SLC26A11: variants seen among roughly 807,000 people sequenced by gnomAD.
SLC26A11 encodes the protein solute carrier family 26 member 11.
In SLC26A11, 58 loss-of-function variants were observed where a neutral mutation model predicts 62.2. The ratio of observed to expected loss-of-function variants is 0.93; its 90% CI spans 0.76 to 1.16. The LOEUF (loss-of-function observed/expected upper bound fraction) is 1.16. Ranked by LOEUF, SLC26A11 falls within the 50% of genes most tolerant of loss-of-function variation. The pLI, the probability that SLC26A11 is intolerant of heterozygous loss-of-function variation, is 0.00. For missense variants in SLC26A11, 790 were observed against 794.3 expected (o/e 0.99, Z 0.06); for synonymous variants, 411 against 368.9 (o/e 1.11, Z -1.31).
In SLC26A11 at chr17:80,252,876, C is replaced by T. The variant is rs2043187851; in HGVS notation, c.*160C>T. On this transcript the variant is annotated 3_prime_UTR_variant, in exon 18 of 18. Coordinates refer to ENST00000361193, the MANE Select transcript of SLC26A11 (RefSeq NM_001166347.2). This position sits in a 1 kb window ranked among gnomAD's most constrained non-coding sequence, Gnocchi z 5.2. ...GAAGGAAGCCAGGCCTGGAGGTCCA[C>T]GGCAGTGGGAGTGGGGCTCACTGGC... 7 of 611,922 alleles carry T rather than the reference C, an allele frequency of 1.1e-5. No individual in the cohort carries two copies. The highest frequency in any genetic ancestry group is 3.0e-5 in the East Asian group (1 of 33,772). 37.9% of individuals were successfully genotyped at this position (611,922 alleles called of 1,614,324 possible). A position where few individuals can be genotyped will look rare whatever the true frequency, so the allele number is the denominator to read the frequency against.
intron 5 of SLC26A11, among the ~76,000 whole-genome samples, chr17:80,224,468 T>A (rs1567944810): frequency 5.3e-5 from 8 of 151,894 alleles, no homozygotes; most frequent in African/African-American, 1.7e-4. Context: ...AGTGTGAGTG[T>A]GTGAGTGTGA....
At position 80,237,525 on chromosome 17, in the gene SLC26A11, A is replaced by T; in HGVS notation, c.916A>T (p.Met306Leu). 6.2e-7 allele frequency: 1 copy of T among 1,610,248 alleles called. No homozygotes were observed. The highest frequency in any genetic ancestry group is 8.5e-7 in the Non-Finnish European group (1 of 1,178,522). ...TISFTEMVQD[M>L]GAGLAVVPLM... Reference sequence around the variant, plus strand: ...CCATCCCTCTCTCCTCTCTCAGGACATGGGAGCCGGGCTGGCCGTGGTGCC... The same window carrying T: ...CCATCCCTCTCTCCTCTCTCAGGACTTGGGAGCCGGGCTGGCCGTGGTGCC... Residue 306 changes from methionine (M) to leucine (L), a missense_variant, in exon 9 of 18, where the codon ATG (methionine) becomes TTG (leucine). Coordinates refer to ENST00000361193, the MANE Select transcript of SLC26A11 (RefSeq NM_001166347.2).
intron 6 of SLC26A11, among the ~76,000 whole-genome samples, chr17:80,226,688 G>A (rs941916766): frequency 8.5e-5 from 13 of 152,168 alleles, no homozygotes; most frequent in African/African-American, 3.1e-4. Context: ...GTGATAGAGT[G>A]AGACTCCATC....
At position 80,223,438 on chromosome 17, in the gene SLC26A11, G is replaced by A; in HGVS notation, c.513+101G>A. On this transcript the variant is annotated intron_variant, in intron 5 of 17. Coordinates refer to ENST00000361193, the MANE Select transcript of SLC26A11 (RefSeq NM_001166347.2). This position sits in a 1 kb window ranked among gnomAD's most constrained non-coding sequence, Gnocchi z 4.6. ...AGGCCAGTCCTGATCCCTGTGGCCA[G>A]TGGACGTCTTGCTGTTTCAGATTGT... 1 of 1,090,184 alleles carries A rather than the reference G, an allele frequency of 9.2e-7. No homozygotes were observed. The highest frequency in any genetic ancestry group is 1.4e-6 in the Non-Finnish European group (1 of 729,598). The allele number at this position is 1,090,184 out of a possible 1,614,324, so 67.5% of individuals were successfully genotyped here. A position where few individuals can be genotyped will look rare whatever the true frequency, so the allele number is the denominator to read the frequency against.
rs771689113 is a variant in SLC26A11, at chr17:80,237,562, T to A, written c.953T>A (p.Leu318His). Residue 318 changes from leucine (L) to histidine (H), a missense_variant, in exon 9 of 18, where the codon CTC (leucine) becomes CAC (histidine). By Grantham distance (99) the Leu-to-His change is moderately conservative. Transcript: ENST00000361193. ...CTGGCCGTGGTGCCCCTGATGGGCCTCCTGGAGAGCATTGCGGTGGCCAAA... is the reference window on the plus strand; with the variant it reads ...CTGGCCGTGGTGCCCCTGATGGGCCACCTGGAGAGCATTGCGGTGGCCAAA... ...AGLAVVPLMG[L>H]LESIAVAKAF... is the part of the protein sequence containing the mutation. 7 of 1,612,308 alleles carry A rather than the reference T, an allele frequency of 4.3e-6. No homozygotes were observed. Among genetic ancestry groups the A allele is most frequent in the Non-Finnish European group, 5.9e-6 (7 of 1,179,418 alleles).
intron 16 of SLC26A11, among the ~76,000 whole-genome samples, chr17:80,250,684 G>A (rs1035651835): frequency 1.3e-5 from 2 of 151,590 alleles, no homozygotes; most frequent in East Asian, 1.9e-4. Context: ...AAAATTAGAC[G>A]GGCATGGTGG....
intron 10 of SLC26A11, among the ~76,000 whole-genome samples, chr17:80,243,479 C>T (rs2042916380): frequency 6.6e-6 from 1 of 152,206 alleles, no homozygotes; most frequent in African/African-American, 2.4e-5. Flanking sequence ...CTTTCTGCAA[C>T]CTCCGTCTCC....
In SLC26A11 at chr17:80,237,093, A is replaced by G. The variant is rs773937490; in HGVS notation, c.902A>G (p.Glu301Gly). Residue 301 changes from glutamate (E) to glycine (G), a missense_variant, in exon 8 of 18, where the codon GAG becomes GGG. Coordinates refer to ENST00000361193, the MANE Select transcript of SLC26A11 (RefSeq NM_001166347.2). The stretch of plus-strand genomic sequence containing the variant: ...GCCAACGGGACGATCTCCTTCACCG[A>G]GATGGTGCAGGTGGGCGGAGCCGGG... ...TTANGTISFT[E>G]MVQDMGAGLA... 10 of 1,611,406 alleles carry G rather than the reference A, an allele frequency of 6.2e-6. No homozygotes were observed. The highest frequency in any genetic ancestry group is 8.5e-6 in the Non-Finnish European group (10 of 1,178,372).
At chr17:80,245,464 AAG>A (rs2042970380) in intron 11 of SLC26A11, 10 of 569,836 alleles carry the variant, frequency 1.8e-5, no homozygotes, top group Non-Finnish European at 9.5e-6. Context: ...TCATACTAGA[AAG>A]TTCCACTGGG....
intron 7 of SLC26A11, among the ~76,000 whole-genome samples, chr17:80,232,599 G>A (rs761471764): frequency 7.9e-5 from 12 of 152,146 alleles, no homozygotes; most frequent in Admixed American, 3.3e-4. Context: ...TTAATGGTAT[G>A]TTTTATGGGC....
chr17:80,224,760 T>TGGAGAGC (rs1165833324), intron 5 of SLC26A11, among the ~76,000 whole-genome samples: 2 of 151,866 alleles, frequency 1.3e-5, no homozygotes, highest in Non-Finnish European at 1.5e-5. Flanking sequence ...CCAGTGAGAG[T>TGGAGAGC]GGAGAGCGGA....
chr17:80,221,808 C>G lies in SLC26A11; in HGVS notation c.234+14C>G, dbSNP rs748619021. On this transcript the variant is annotated intron_variant, in intron 3 of 17. Coordinates refer to ENST00000361193, the MANE Select transcript of SLC26A11 (RefSeq NM_001166347.2). ...CTCCCGCCCCAGGTGAGGCGTCTGA[C>G]CCTGCTGCCAGCCATATCTCAGAAA... 2.5e-6 allele frequency: 4 copies of G among 1,601,774 alleles called. No individual in the cohort carries two copies. The highest frequency in any genetic ancestry group is 3.4e-6 in the Non-Finnish European group (4 of 1,176,210).
intron 5 of SLC26A11, chr17:80,225,478 A>C (rs2042383479): frequency 8.6e-6 from 2 of 233,700 alleles, no homozygotes; most frequent in Non-Finnish European, 1.7e-5. Context: ...GCCTGGAGCC[A>C]ATGGGGGTGG....
chr17:80,222,652 C>A lies in SLC26A11; in HGVS notation c.235-3C>A. The A allele has an allele frequency of 6.2e-7, 1 of 1,613,510 alleles. No homozygotes were observed. The highest frequency in any genetic ancestry group is 8.5e-7 in the Non-Finnish European group (1 of 1,179,602). ...GAGTGCTCACCACCCTCTCTCCCCACAGTATGGCCTCTACTCTGCCTTCAT... is the reference window on the plus strand; with the variant it reads ...GAGTGCTCACCACCCTCTCTCCCCAAAGTATGGCCTCTACTCTGCCTTCAT... On this transcript the variant is annotated splice_polypyrimidine_tract_variant and splice_region_variant and intron_variant, in intron 3 of 17. Coordinates refer to ENST00000361193, the MANE Select transcript of SLC26A11 (RefSeq NM_001166347.2). This position sits in a 1 kb window ranked among gnomAD's most constrained non-coding sequence, Gnocchi z 4.7.
chr17:80,231,354 G>C (rs1481317528), intron 7 of SLC26A11, among the ~76,000 whole-genome samples: 1 of 151,514 alleles, frequency 6.6e-6, no homozygotes, highest in Non-Finnish European at 1.5e-5. Flanking sequence ...AGTGGAGACG[G>C]GGTTTCACCA....
chr17:80,237,048 C>G lies in SLC26A11; in HGVS notation c.857C>G (p.Pro286Arg), dbSNP rs754187560. 1.9e-6 allele frequency: 3 copies of G among 1,614,038 alleles called. No homozygotes were observed. In the Admixed American group the frequency reaches 5.0e-5, roughly 27 times the overall value. The change falls in exon 8 of 18, where the codon CCG (proline) becomes CGG (arginine). Residue 286 changes from proline (P) to arginine (R), a missense_variant. Transcript: ENST00000361193. ...TAEGLPPVRI[P>R]PFSVTTANGT... ...GAGGGGCTCCCTCCAGTCCGGATCC[C>G]GCCCTTCTCAGTGACCACAGCCAAC...
rs1220438439 is a variant in SLC26A11, at chr17:80,249,234, C to T, written c.1603C>T (p.Leu535Phe). Reference protein sequence around the residue: ...DYTVVLGLGELLQDFQKQGVA... With the variant: ...DYTVVLGLGEFLQDFQKQGVA... ...CACTGTGGTGCTGGGACTCGGCGAGCTCCTCCAGGACTTCCAGAAGCAGGG... is the reference window on the plus strand; with the variant it reads ...CACTGTGGTGCTGGGACTCGGCGAGTTCCTCCAGGACTTCCAGAAGCAGGG... The change falls in exon 16 of 18, where the codon CTC becomes TTC. Residue 535 changes from leucine to phenylalanine, a missense_variant. Transcript: ENST00000361193. 4 of 1,611,518 alleles carry T rather than the reference C, an allele frequency of 2.5e-6. No homozygotes were observed. The highest frequency in any genetic ancestry group is 3.4e-6 in the Non-Finnish European group (4 of 1,180,006).
intron 5 of SLC26A11, among the ~76,000 whole-genome samples, chr17:80,224,395 ATGAGTGTGAGAG>A (rs1206304657): frequency 1.7e-5 from 2 of 114,682 alleles, no homozygotes. Flanking sequence ...GTGTGAGTGT[ATGAGTGTGAGAG>A]TGAGTGTGAG....
At chr17:80,238,508 G>C (rs900146441) in intron 9 of SLC26A11, among the ~76,000 whole-genome samples, 1 of 152,126 alleles carries the variant, frequency 6.6e-6, no homozygotes, top group Non-Finnish European at 1.5e-5. Flanking sequence ...GGAACCCTTC[G>C]TCTCCTTCAG....
Sources: allele counts gnomAD v4.1 joint callset (sites outside exome capture counted in the v4.1 genomes callset), GRCh38; gene constraint gnomAD v4.1.1; non-coding constraint Gnocchi (gnomAD v3.1); transcripts MANE v1.5; gene names NCBI Gene and HGNC (gene_info 2026-07-23, HGNC 2026-07-21).